Variants in ST3GAL3 observed in about 807,000 individuals in gnomAD.
ST3GAL3 encodes the protein CMP-N-acetylneuraminate-beta-1,4-galactoside alpha-2,3-sialyltransferase.
Under a neutral mutation model 50.1 loss-of-function variants are expected in ST3GAL3, and 21 were observed. The observed-to-expected ratio is 0.42, with a 90% CI of 0.30 to 0.60. The LOEUF (loss-of-function observed/expected upper bound fraction) is 0.60, where lower values mean the gene tolerates loss of function less well. Among genes scored for constraint, ST3GAL3 ranks in the 20% least tolerant of loss-of-function variants. The probability of loss-of-function intolerance (pLI) is 0.19; values close to 1 mark genes in which losing one functional copy is unlikely to be tolerated. For missense variants in ST3GAL3, 353 were observed against 489.4 expected (o/e 0.72, Z 2.63); for synonymous variants, 183 against 190.0 (o/e 0.96, Z 0.30).
intron 3 of ST3GAL3, among the ~76,000 whole-genome samples, chr1:43,809,424 G>A (rs556145730): frequency 1.3e-5 from 2 of 152,290 alleles, no homozygotes; most frequent in South Asian, 2.1e-4. Context: ...AGTGAGGGCT[G>A]GGTGCAATGG....
chr1:43,750,540 T>C (rs2154109392), intron 2 of ST3GAL3, among the ~76,000 whole-genome samples: 1 of 152,214 alleles, frequency 6.6e-6, no homozygotes, highest in East Asian at 1.9e-4. Flanking sequence ...GAATATGATA[T>C]TGGGGTTGAG....
intron 4 of ST3GAL3, among the ~76,000 whole-genome samples, chr1:43,835,580 T>C (rs777554562): frequency 2.0e-5 from 3 of 152,152 alleles, no homozygotes; most frequent in Non-Finnish European, 4.4e-5. Flanking sequence ...CCCTCTCCAT[T>C]GTAGATGACG....
chr1:43,707,894 C>T (rs1057065013), intron 1 of ST3GAL3: 9 of 152,308 alleles, frequency 5.9e-5, no homozygotes, highest in Non-Finnish European at 2.9e-5. Context: ...GATGACCTCT[C>T]CTGGGTGGGG....
At chr1:43,773,258 C>T (rs1558236816) in intron 2 of ST3GAL3, among the ~76,000 whole-genome samples, 1 of 152,168 alleles carries the variant, frequency 6.6e-6, no homozygotes, top group East Asian at 1.9e-4. Context: ...TCCTGATTGA[C>T]ATCCTACCTG....
At chr1:43,832,706 C>T (rs1007694964) in intron 4 of ST3GAL3, among the ~76,000 whole-genome samples, 1 of 148,602 alleles carries the variant, frequency 6.7e-6, no homozygotes, top group Non-Finnish European at 1.5e-5. Context: ...AAGGCTATTT[C>T]AAAAAAAAAA....
chr1:43,786,232 C>T (rs1022466718), intron 2 of ST3GAL3, among the ~76,000 whole-genome samples: 6 of 151,974 alleles, frequency 3.9e-5, no homozygotes, highest in Non-Finnish European at 7.4e-5. Flanking sequence ...AATATAAATC[C>T]GACTCTGTTA....
chr1:43,726,392 TCCTC>T (rs1207070272), intron 1 of ST3GAL3, among the ~76,000 whole-genome samples: 1 of 152,000 alleles, frequency 6.6e-6, no homozygotes, highest in African/African-American at 2.4e-5. Context: ...GCTCAAGTAA[TCCTC>T]CCTCCTCAGC....
chr1:43,801,348 C>T (rs931775299), intron 3 of ST3GAL3: 4 of 456,140 alleles, frequency 8.8e-6, no homozygotes, highest in Non-Finnish European at 1.8e-5. Context: ...GGGTCACTCA[C>T]AACGGAAATG....
chr1:43,881,104 G>A (rs755557466), intron 5 of ST3GAL3, among the ~76,000 whole-genome samples: 7 of 151,794 alleles, frequency 4.6e-5, no homozygotes, highest in Non-Finnish European at 7.4e-5. Context: ...TCCTCCTCCC[G>A]GGTTCAAGTG....
chr1:43,929,310 A>ATTAT (rs879805417), intron 11 of ST3GAL3, among the ~76,000 whole-genome samples: 4 of 76,578 alleles, frequency 5.2e-5, no homozygotes, highest in African/African-American at 1.3e-4. Flanking sequence ...TTTAATTATT[A>ATTAT]TTTTTTTTTT....
intron 9 of ST3GAL3, among the ~76,000 whole-genome samples, chr1:43,902,582 C>T (rs188220053): frequency 1.8e-3 from 281 of 152,304 alleles, no homozygotes; most frequent in Non-Finnish European, 2.8e-3. Flanking sequence ...TACAAAAAGG[C>T]TTTGTCTCCC....
At chr1:43,781,085 G>A (rs1290713786) in intron 2 of ST3GAL3, among the ~76,000 whole-genome samples, 1 of 152,178 alleles carries the variant, frequency 6.6e-6, no homozygotes, top group Admixed American at 6.5e-5. Flanking sequence ...TACCAGCACA[G>A]GATTCAGCTT....
At chr1:43,800,422 A>G (rs2059182894) in intron 3 of ST3GAL3, among the ~76,000 whole-genome samples, 1 of 152,172 alleles carries the variant, frequency 6.6e-6, no homozygotes, top group Admixed American at 6.5e-5. Flanking sequence ...TTTGACTCCC[A>G]TGATTCATGT....
At chr1:43,895,808 C>G (rs2077308659) in intron 6 of ST3GAL3, among the ~76,000 whole-genome samples, 1 of 152,192 alleles carries the variant, frequency 6.6e-6, no homozygotes, top group Non-Finnish European at 1.5e-5. Context: ...ACTCTTCTCT[C>G]TTGAATCTGC....
At chr1:43,817,474 C>T (rs531878717) in intron 4 of ST3GAL3, among the ~76,000 whole-genome samples, 1 of 149,540 alleles carries the variant, frequency 6.7e-6, no homozygotes, top group South Asian at 2.1e-4. Context: ...TCTTCTCCTT[C>T]TCCTTGTTCT....
chr1:43,851,370 G>T (rs2067272505), intron 5 of ST3GAL3: 1 of 1,587,834 alleles, frequency 6.3e-7, no homozygotes, highest in Non-Finnish European at 8.6e-7. Context: ...CTCAAAGTTT[G>T]CAGGGGAGCC....
chr1:43,909,489 T>A (rs1260314445), intron 9 of ST3GAL3, among the ~76,000 whole-genome samples: 1 of 152,260 alleles, frequency 6.6e-6, no homozygotes, highest in Non-Finnish European at 1.5e-5. Context: ...GCTCTTCTTT[T>A]TGTTCATCGC....
intron 9 of ST3GAL3, chr1:43,914,705 G>A (rs753836649): frequency 2.0e-5 from 3 of 152,370 alleles, no homozygotes; most frequent in Non-Finnish European, 4.4e-5. Flanking sequence ...TGTTCCTCCC[G>A]AGCAGCCCCT....
At chr1:43,804,281 C>T (rs927621748) in intron 3 of ST3GAL3, among the ~76,000 whole-genome samples, 1 of 152,216 alleles carries the variant, frequency 6.6e-6, no homozygotes, top group Non-Finnish European at 1.5e-5. Flanking sequence ...TGCCCAACCC[C>T]AGCAGTAGAG....
Sources: allele counts gnomAD v4.1 joint callset (sites outside exome capture counted in the v4.1 genomes callset), GRCh38; gene constraint gnomAD v4.1.1; transcripts MANE v1.5; gene names NCBI Gene and HGNC (gene_info 2026-07-23, HGNC 2026-07-21).